ZNF445: variants seen among roughly 807,000 people sequenced by gnomAD.
ZNF445 encodes zinc finger protein 168.
In ZNF445, 19 loss-of-function variants were observed where a neutral mutation model predicts 93.9. That is an observed-to-expected ratio of 0.20 (90% CI 0.14 to 0.30). The LOEUF is 0.30. Ranked by LOEUF, ZNF445 falls within the 10% of genes least tolerant of loss-of-function variation. The pLI is 1.00. For missense variants in ZNF445, 1,058 were observed against 1,259.4 expected (o/e 0.84, Z 2.42); for synonymous variants, 449 against 446.3 (o/e 1.01, Z -0.08).
At chr3:44,454,435 C>T (rs1223550877) in intron 3 of ZNF445, among the ~76,000 whole-genome samples, 2 of 152,100 alleles carry the variant, frequency 1.3e-5, no homozygotes, top group Admixed American at 6.6e-5. Context: ...AGACTAGTTA[C>T]TGGGCTTTTT....
At position 44,450,447 on chromosome 3, in the gene ZNF445, C is replaced by T. The variant is rs1206227207; in HGVS notation, c.820G>A (p.Val274Met). ...AAGCATGAGGATATCGATTACTTAC[C>T]CAGGGAAGCCATGTTCCTATAATTC... ...LENYRNMASL[V>M]GPFTKPALIS... The change falls in exon 6 of 8, where the codon GTG (valine) becomes ATG (methionine). Residue 274 changes from valine to methionine, a missense_variant and splice_region_variant. This residue lies in a region of ZNF445 where 657 missense variants were observed against 746.4 expected (regional missense o/e 0.88). Transcript: ENST00000396077. 3.1e-6 allele frequency: 5 copies of T among 1,614,102 alleles called. No individual in the cohort carries two copies. The highest frequency in any genetic ancestry group is 4.2e-6 in the Non-Finnish European group (5 of 1,180,026).
intron 6 of ZNF445, 46 bp from the exon 7 acceptor site, chr3:44,449,669 AG>A (rs1559392898): frequency 6.7e-7 from 1 of 1,493,390 alleles, no homozygotes; most frequent in African/African-American, 1.4e-5. Context: ...TGGATGACAC[AG>A]AACTACTCTT....
At position 44,450,513 on chromosome 3, in the gene ZNF445, C is replaced by A. The variant is rs377722754; in HGVS notation, c.754G>T (p.Asp252Tyr). 4 of 1,614,184 alleles carry A rather than the reference C, an allele frequency of 2.5e-6. No individual in the cohort carries two copies. The highest frequency in any genetic ancestry group is 3.4e-6 in the Non-Finnish European group (4 of 1,180,028). The change falls in exon 6 of 8, where the codon GAC (aspartate) becomes TAC (tyrosine). Residue 252 changes from aspartate to tyrosine, a missense_variant. Around this residue, in one of 3 missense-constraint regions of ZNF445, gnomAD observed 657 missense variants for 746.4 expected, o/e 0.88. Transcript: ENST00000396077. ...CTGTACAGGTTCCTCTGAGCAGAGT[C>A]CAGCCACCCCCACTCGTCCTGGGAG... ...TFSQDEWGWL[D>Y]SAQRNLYRDV...
Position 44,448,358 on chromosome 3 carries a change from C to A in ZNF445, c.1313G>T (p.Arg438Ile). 6.2e-7 allele frequency: 1 copy of A among 1,614,224 alleles called. No homozygotes were observed. The highest frequency in any genetic ancestry group is 8.5e-7 in the Non-Finnish European group (1 of 1,180,036). Residue 438 changes from arginine (R) to isoleucine (I), a missense_variant, in exon 8 of 8, where the codon AGA becomes ATA. Arg to Ile is a moderately conservative substitution (Grantham distance 97). This residue lies in a region of ZNF445 where 657 missense variants were observed against 746.4 expected (regional missense o/e 0.88). Transcript: ENST00000396077. ...YDYKKYGKGL[R>I]HMIGGFSLHQ... Reference sequence around the variant, plus strand: ...TAGGCTGAAGCCCCCAATCATGTGTCTGAGCCCCTTCCCATATTTCTTGTA... The same window carrying A: ...TAGGCTGAAGCCCCCAATCATGTGTATGAGCCCCTTCCCATATTTCTTGTA...
chr3:44,447,426 A>T lies in ZNF445; in HGVS notation c.2245T>A (p.Phe749Ile). The T allele has an allele frequency of 1.2e-6, 2 of 1,614,186 alleles. No individual in the cohort carries two copies. The highest frequency in any genetic ancestry group is 2.2e-5 in the South Asian group (2 of 91,088). ...GAGTGACTGCTCTGAGGAACCTGGA[A>T]CACTGTGTCCTGACTAAAAGATGGC... ...GGPSFSQDTV[F>I]QVPQSSHSKE... Residue 749 changes from phenylalanine to isoleucine, a missense_variant, in exon 8 of 8, where the codon TTC becomes ATC. Phe to Ile is a conservative substitution (Grantham distance 21, BLOSUM62 0). Transcript: ENST00000396077. The surrounding 1 kb of genome is among the most constrained non-coding windows in gnomAD (Gnocchi z 4.7).
chr3:44,448,640 C>T lies in ZNF445; in HGVS notation c.1031G>A (p.Ser344Asn), dbSNP rs1305824624. Residue 344 changes from serine (S) to asparagine (N), a missense_variant, in exon 8 of 8, where the codon AGT becomes AAT. Around this residue, in one of 3 missense-constraint regions of ZNF445, gnomAD observed 657 missense variants for 746.4 expected, o/e 0.88. Transcript: ENST00000396077. ...TCTGAGCCCAATTCCCTCAGAAACACTTGTCGCAGGACATCCTGATGACAC... is the reference window on the plus strand; with the variant it reads ...TCTGAGCCCAATTCCCTCAGAAACATTTGTCGCAGGACATCCTGATGACAC... ...LAVSSGCPAT[S>N]VSEGIGLRES... is the part of the protein sequence containing the mutation. 21 of 1,614,104 alleles carry T rather than the reference C, an allele frequency of 1.3e-5. No individual in the cohort carries two copies. Among genetic ancestry groups the T allele is most frequent in the Non-Finnish European group, 1.4e-5 (17 of 1,180,052 alleles).
At chr3:44,454,619 G>A (rs1698001909) in intron 3 of ZNF445, among the ~76,000 whole-genome samples, 1 of 152,158 alleles carries the variant, frequency 6.6e-6, no homozygotes, top group Non-Finnish European at 1.5e-5. Flanking sequence ...TAGAAACAGG[G>A]TTTTGCCATG....
intron 3 of ZNF445, among the ~76,000 whole-genome samples, chr3:44,452,130 TC>T (rs1697966168): frequency 6.6e-6 from 1 of 152,134 alleles, no homozygotes; most frequent in Admixed American, 6.5e-5. Flanking sequence ...CCCTAAGACT[TC>T]AAATAACTCT....
chr3:44,439,162 T>C lies in ZNF445; in HGVS notation c.*7413A>G. On this transcript the variant is annotated 3_prime_UTR_variant, in exon 8 of 8. Transcript: ENST00000396077. ...CTTGTCTCTACAAAAATACAAAAATTAGCTGGGTGTGGTGGTGCACGCTTG... is the reference window on the plus strand; with the variant it reads ...CTTGTCTCTACAAAAATACAAAAATCAGCTGGGTGTGGTGGTGCACGCTTG... 6.6e-6 allele frequency: 1 copy of C among 151,830 alleles called. No individual in the cohort carries two copies. The highest frequency in any genetic ancestry group is 2.1e-4 in the South Asian group (1 of 4,800). 9.4% of individuals were successfully genotyped at this position (151,830 alleles called of 1,614,324 possible).
chr3:44,456,420 A>ACAAG (rs1026864462), intron 2 of ZNF445, among the ~76,000 whole-genome samples: 4 of 152,164 alleles, frequency 2.6e-5, no homozygotes, highest in Admixed American at 2.0e-4. Flanking sequence ...CTGTCTCAAA[A>ACAAG]CAAGCAAGCA....
intron 4 of ZNF445, 149 bp from the exon 5 acceptor site, chr3:44,451,111 G>A (rs1345279215): frequency 8.0e-6 from 8 of 998,978 alleles, no homozygotes; most frequent in Non-Finnish European, 1.2e-5. Context: ...GTCTACTGGG[G>A]CCAGGAAAGG....
intron 1 of ZNF445, among the ~76,000 whole-genome samples, chr3:44,466,459 G>A (rs137954608): frequency 6.6e-6 from 1 of 152,284 alleles, no homozygotes; most frequent in Admixed American, 6.5e-5. Flanking sequence ...TTGTGTAAAT[G>A]TGTTATTAGT....
Position 44,446,997 on chromosome 3 carries a change from T to C in ZNF445, c.2674A>G (p.Thr892Ala), listed in dbSNP as rs750742890. ...CACTGACATTTGAAAGGTCTCTCTG[T>C]AGAGTGGATCCTCTGATGGTTAACA... ...RLVNHQRIHS[T>A]ERPFKCQWCG... Residue 892 changes from threonine to alanine, a missense_variant, in exon 8 of 8, where the codon ACA (threonine) becomes GCA (alanine). Physicochemically the swap from Thr to Ala is moderately conservative, Grantham distance 58. Coordinates refer to ENST00000396077, the MANE Select transcript of ZNF445 (RefSeq NM_181489.6). The surrounding 1 kb of genome is among the most constrained non-coding windows in gnomAD (Gnocchi z 4.2). 21 of 1,614,108 alleles carry C rather than the reference T, an allele frequency of 1.3e-5. No homozygotes were observed. Among genetic ancestry groups the C allele is most frequent in the Non-Finnish European group, 1.6e-5 (19 of 1,180,040 alleles).
At position 44,451,422 on chromosome 3, in the gene ZNF445, C is replaced by T. The variant is rs1697956212; in HGVS notation, c.490G>A (p.Ala164Thr). Residue 164 changes from alanine (A) to threonine (T), a missense_variant, in exon 4 of 8, where the codon GCA becomes ACA. Physicochemically the swap from Ala to Thr is moderately conservative, Grantham distance 58. Coordinates refer to ENST00000396077, the MANE Select transcript of ZNF445 (RefSeq NM_181489.6). ...GGTGAAGCAAGGGACCATATCTGTG[C>T]AGATCGCAGGGCTCCTGTACCCATC... ...HWMGTGALRS[A>T]QIWSLASPLR... The T allele has an allele frequency of 1.2e-6, 2 of 1,613,896 alleles. No individual in the cohort carries two copies. Among genetic ancestry groups the T allele is most frequent in the Non-Finnish European group, 1.7e-6 (2 of 1,179,926 alleles).
rs142666637 is a variant in ZNF445, at chr3:44,464,009, G to A, written c.-268-5645C>T. Among the ~76,000 whole-genome samples, 892 of 152,188 alleles carry A rather than the reference G, an allele frequency of 5.9e-3. 9 individuals carry two copies. The highest frequency in any genetic ancestry group is 0.021 in the African/African-American group (852 of 41,522). Reference sequence around the variant, plus strand: ...GGCGTAGTGGTGCGTGCCTGTAGTCGCAGCTACTTGGAAGGCTTAGGCAGG... The same window carrying A: ...GGCGTAGTGGTGCGTGCCTGTAGTCACAGCTACTTGGAAGGCTTAGGCAGG... On this transcript the variant is annotated intron_variant, in intron 1 of 7. Coordinates refer to ENST00000396077, the MANE Select transcript of ZNF445 (RefSeq NM_181489.6).
intron 1 of ZNF445, among the ~76,000 whole-genome samples, chr3:44,460,954 CT>C (rs939702643): frequency 6.6e-6 from 1 of 152,188 alleles, no homozygotes; most frequent in Admixed American, 6.5e-5. Flanking sequence ...CCACCTAGTT[CT>C]TTTGGAACTG....
chr3:44,455,065 A>T, intron 3 of ZNF445, 56 bp downstream of exon 3: 1 of 1,609,062 alleles, frequency 6.2e-7, no homozygotes, highest in East Asian at 2.2e-5. Flanking sequence ...TCCCCAGACA[A>T]GCTGGCTCAC....
rs965404693 is a variant in ZNF445, at chr3:44,446,512, T to C, written c.*63A>G. The C allele has an allele frequency of 1.3e-4, 202 of 1,597,666 alleles. No homozygotes were observed. Among genetic ancestry groups the C allele is most frequent in the Middle Eastern group, 2.0e-4 (1 of 5,102 alleles). ...TATCAAAGTTACTCCACAATGCCTA[T>C]AATTAAGGGTTCTCTAGCAGGGGAC... On this transcript the variant is annotated 3_prime_UTR_variant, in exon 8 of 8. Transcript: ENST00000396077. This position sits in a 1 kb window ranked among gnomAD's most constrained non-coding sequence, Gnocchi z 4.2.
chr3:44,449,493 G>A lies in ZNF445; in HGVS notation c.931+20C>T, dbSNP rs1697928720. 1.3e-6 allele frequency: 2 copies of A among 1,582,524 alleles called. No individual in the cohort carries two copies. Among genetic ancestry groups the A allele is most frequent in the Non-Finnish European group, 8.7e-7 (1 of 1,151,352 alleles). ...GTAAAAGCAGGAGGAGCAGGACCTG[G>A]CAGGTTCTCTGGAACTCACCTGTAG... On this transcript the variant is annotated intron_variant, in intron 7 of 7. Transcript: ENST00000396077.
Sources: gnomAD v4.1 joint callset for allele counts (sites outside exome capture counted in the v4.1 genomes callset) on GRCh38, gnomAD v4.1.1 for gene constraint, gnomAD v4.1.1 regional missense constraint, Gnocchi (gnomAD v3.1) non-coding constraint, MANE v1.5 for transcripts, NCBI Gene and HGNC (gene_info 2026-07-23, HGNC 2026-07-21) for gene names.